ZNF385B: variants seen among roughly 807,000 people sequenced by gnomAD.
The protein encoded by ZNF385B is zinc finger protein 385B, also known as zinc finger protein 533.
Under a neutral mutation model 39.2 loss-of-function variants are expected in ZNF385B, and 23 were observed. The ratio of observed to expected loss-of-function variants is 0.59; its 90% CI spans 0.42 to 0.83. ZNF385B has a LOEUF of 0.83. Ranked by LOEUF, ZNF385B falls within the 40% of genes least tolerant of loss-of-function variation. The pLI is 0.00. For missense variants in ZNF385B, 552 were observed against 598.9 expected, an observed-to-expected ratio of 0.92 and a Z score of 0.82; for synonymous variants, 205 against 222.6, an observed-to-expected ratio of 0.92 and a Z score of 0.70.
chr2:179,747,412 T>A (rs1038203634), intron 3 of ZNF385B, among the ~76,000 whole-genome samples: 2 of 152,104 alleles, frequency 1.3e-5, no homozygotes, highest in Non-Finnish European at 2.9e-5. Context: ...TTTTGCCACC[T>A]GAATTCTATT....
intron 1 of ZNF385B, among the ~76,000 whole-genome samples, chr2:179,806,282 A>G (rs1303132412): frequency 6.6e-6 from 1 of 152,244 alleles, no homozygotes; most frequent in African/African-American, 2.4e-5. Context: ...AGGAAAAACC[A>G]AACAGTTAAT....
intron 3 of ZNF385B, among the ~76,000 whole-genome samples, chr2:179,715,697 G>A (rs1700289117): frequency 6.6e-6 from 1 of 150,932 alleles, no homozygotes; most frequent in South Asian, 2.1e-4. Context: ...ACTTTATAAG[G>A]GTAAATTAAT....
intron 3 of ZNF385B, among the ~76,000 whole-genome samples, chr2:179,605,122 T>C (rs17819172): frequency 0.11 from 16,689 of 152,174 alleles, 1,054 homozygotes; most frequent in Non-Finnish European, 0.15. Flanking sequence ...ATATGATTTT[T>C]CAAAATGCAC....
intron 3 of ZNF385B, among the ~76,000 whole-genome samples, chr2:179,649,489 G>C (rs1328954464): frequency 6.6e-6 from 1 of 151,984 alleles, no homozygotes; most frequent in Non-Finnish European, 1.5e-5. Context: ...AAAGCTTATT[G>C]GTTCTATATT....
At chr2:179,487,016 A>T in intron 5 of ZNF385B, among the ~76,000 whole-genome samples, 1 of 152,278 alleles carries the variant, frequency 6.6e-6, no homozygotes, top group East Asian at 1.9e-4. Context: ...CATCTTTCAC[A>T]GTACACTAAA....
At chr2:179,714,809 G>T (rs1227284013) in intron 3 of ZNF385B, among the ~76,000 whole-genome samples, 1 of 151,798 alleles carries the variant, frequency 6.6e-6, no homozygotes, top group East Asian at 1.9e-4. Context: ...AAATTAGCCA[G>T]ATGTGGTGGC....
chr2:179,728,802 G>T (rs1318444381), intron 3 of ZNF385B, among the ~76,000 whole-genome samples: 2 of 151,932 alleles, frequency 1.3e-5, no homozygotes. Flanking sequence ...ATATTCCTCA[G>T]AAAAAGCCAT....
At chr2:179,502,343 G>T (rs1310993617) in intron 5 of ZNF385B, among the ~76,000 whole-genome samples, 1 of 152,112 alleles carries the variant, frequency 6.6e-6, no homozygotes, top group African/African-American at 2.4e-5. Flanking sequence ...AGAGGCCAGG[G>T]GAGGAATAAT....
intron 3 of ZNF385B, among the ~76,000 whole-genome samples, chr2:179,630,706 G>A (rs1029839049): frequency 2.0e-5 from 3 of 152,030 alleles, no homozygotes; most frequent in East Asian, 1.9e-4. Context: ...TCAGAAGGTC[G>A]GTCATAAACT....
intron 3 of ZNF385B, among the ~76,000 whole-genome samples, chr2:179,756,636 C>G (rs1302736169): frequency 1.3e-5 from 2 of 152,156 alleles, no homozygotes; most frequent in African/African-American, 4.8e-5. Flanking sequence ...TAGATTTGGT[C>G]TTTTCACCTA....
At chr2:179,502,278 A>G (rs2056834565) in intron 5 of ZNF385B, among the ~76,000 whole-genome samples, 1 of 152,094 alleles carries the variant, frequency 6.6e-6, no homozygotes, top group Admixed American at 6.6e-5. Context: ...ACTTTGGGAG[A>G]CTGTTGGGAA....
chr2:179,493,635 G>T (rs377322838), intron 5 of ZNF385B, among the ~76,000 whole-genome samples: 1 of 106,120 alleles, frequency 9.4e-6, no homozygotes, highest in Non-Finnish European at 2.0e-5. Context: ...ATACGCATAT[G>T]TATACACATA....
At chr2:179,596,939 G>A (rs1688046099) in intron 3 of ZNF385B, among the ~76,000 whole-genome samples, 1 of 152,102 alleles carries the variant, frequency 6.6e-6, no homozygotes, top group Non-Finnish European at 1.5e-5. Context: ...AGATATCCTT[G>A]CTCATCTTTC....
At chr2:179,765,010 T>C (rs1305359726) in intron 3 of ZNF385B, among the ~76,000 whole-genome samples, 1 of 152,144 alleles carries the variant, frequency 6.6e-6, no homozygotes, top group Non-Finnish European at 1.5e-5. Flanking sequence ...CTGAATCTCA[T>C]GTTTTTTGGA....
chr2:179,700,732 G>A (rs938083440), intron 3 of ZNF385B, among the ~76,000 whole-genome samples: 3 of 152,130 alleles, frequency 2.0e-5, no homozygotes, highest in Non-Finnish European at 4.4e-5. Context: ...CATTGGTATT[G>A]GCCAGGCCCG....
chr2:179,760,669 T>C lies in ZNF385B; in HGVS notation c.298+8834A>G, dbSNP rs559544619. Among the ~76,000 whole-genome samples the C allele has an allele frequency of 7.9e-5, 12 of 152,168 alleles. No homozygotes were observed. The South Asian group carries it at 1.0e-3, about 13-fold the overall frequency. ...GATGTGATTGCTAGGAATCTTGAGA[T>C]GAGGAAACAATCCAGGATTATACAG... On this transcript the variant is annotated intron_variant, in intron 3 of 9. Transcript: ENST00000410066.
intron 3 of ZNF385B, among the ~76,000 whole-genome samples, chr2:179,587,709 T>C (rs1687201294): frequency 6.6e-6 from 1 of 152,032 alleles, no homozygotes; most frequent in Non-Finnish European, 1.5e-5. Flanking sequence ...AGGTTTAAAA[T>C]GCACATGTCC....
intron 3 of ZNF385B, among the ~76,000 whole-genome samples, chr2:179,570,357 T>C (rs1685070937): frequency 6.6e-6 from 1 of 152,188 alleles, no homozygotes. Context: ...AATAAAAATC[T>C]GGGGGCTTGG....
At chr2:179,638,934 AAT>A (rs1308536667) in intron 3 of ZNF385B, among the ~76,000 whole-genome samples, 41 of 152,104 alleles carry the variant, frequency 2.7e-4, no homozygotes, top group African/African-American at 8.7e-4. Context: ...TGAATTGGGA[AAT>A]GGTCAGGGTC....
Sources: gnomAD v4.1 joint callset for allele counts (sites outside exome capture counted in the v4.1 genomes callset) on GRCh38, gnomAD v4.1.1 for gene constraint, MANE v1.5 for transcripts, NCBI Gene and HGNC (gene_info 2026-07-23, HGNC 2026-07-21) for gene names.